DUSP6: variants seen among roughly 807,000 people sequenced by gnomAD.
The protein encoded by DUSP6 is dual specificity phosphatase 6, also known as dual specificity protein phosphatase 6.
DUSP6 carries 6 observed loss-of-function variants against 28.0 expected under a neutral mutation model. The ratio of observed to expected loss-of-function variants is 0.21; its 90% confidence interval spans 0.12 to 0.42. The LOEUF (loss-of-function observed/expected upper bound fraction) is 0.42. DUSP6 is among the 10% of genes least tolerant of loss of function. DUSP6 has a pLI of 1.00. For missense variants in DUSP6, 451 were observed against 498.1 expected, an observed-to-expected ratio of 0.91 and a Z score of 0.90; for synonymous variants, 252 against 217.5, an observed-to-expected ratio of 1.16 and a Z score of -1.40.
In DUSP6 at chr12:89,352,150, C is replaced by A; in HGVS notation, c.-111G>T. The A allele has an allele frequency of 2.0e-6, 3 of 1,486,904 alleles. No individual in the cohort carries two copies. Among genetic ancestry groups the A allele is most frequent in the Non-Finnish European group, 2.7e-6 (3 of 1,109,012 alleles). The allele number at this position is 1,486,904 out of a possible 1,614,324, so 92.1% of individuals were successfully genotyped here. On this transcript the variant is annotated 5_prime_UTR_variant, in exon 1 of 3. Transcript: ENST00000279488. ...CCGCTCTCGGAGCGGGGTTTAATTC[C>A]GCCTCGCCTTACCCAAGCCGAGGCT...
At position 89,349,266 on chromosome 12, in the gene DUSP6, CAG is replaced by C. The variant is rs1435935086; in HGVS notation, c.1132_1133del (p.Leu378AlafsTer69). On this transcript the variant is annotated frameshift_variant, in exon 3 of 3. Transcript: ENST00000279488. LOFTEE classifies it high-confidence loss of function. ...GGTGTGGGGTCTTTCACGTAGATTG[CAG>C]AGAGTCCACCTGGTATACATTCTGG... ...SNQNVYQVDS[L>X]QST 2 of 1,609,868 alleles carry C rather than the reference CAG, an allele frequency of 1.2e-6. No homozygotes were observed. Among genetic ancestry groups the C allele is most frequent in the Non-Finnish European group, 1.7e-6 (2 of 1,176,662 alleles).
At position 89,351,958 on chromosome 12, in the gene DUSP6, C is replaced by T; in HGVS notation, c.82G>A (p.Glu28Lys). The change falls in exon 1 of 3, where the codon GAG becomes AAG. Residue 28 changes from glutamate to lysine, a missense_variant. Around this residue, in one of 2 missense-constraint regions of DUSP6, gnomAD observed 347 missense variants for 346.6 expected, o/e 1.00. Transcript: ENST00000279488. Reference protein sequence around the residue: ...KTVAWLNEQLELGNERLLLMD... With the variant: ...KTVAWLNEQLKLGNERLLLMD... ...AGCAGCAGCCGCTCGTTGCCCAGCT[C>T]CAGCTGCTCGTTGAGCCACGCCACC... is the stretch of plus-strand genomic sequence containing the variant. The T allele has an allele frequency of 6.2e-7, 1 of 1,613,078 alleles. No homozygotes were observed. The highest frequency in any genetic ancestry group is 8.5e-7 in the Non-Finnish European group (1 of 1,179,956).
rs999990772 is a variant in DUSP6 at position 89,351,644 on chromosome 12, C to G, written c.396G>C (p.Leu132=). The G allele has an allele frequency of 6.2e-7, 1 of 1,601,158 alleles. No homozygotes were observed. The highest frequency in any genetic ancestry group is 1.3e-5 in the African/African-American group (1 of 74,722). The change falls in exon 1 of 3, where the codon CTG becomes CTC. Residue 132 remains leucine (L), a synonymous_variant. Coordinates refer to ENST00000279488, the MANE Select transcript of DUSP6 (RefSeq NM_001946.4). The part of the protein sequence containing the change: ...LKDEGCRAFY[L]EGGFSKFQAE... ...CGGAGTTCCCTGGGCGCGTACCTTC[C>G]AGGTAGAACGCCCGGCAGCCCTCGT...
chr12:89,350,028 C>T (rs1879127587), intron 2 of DUSP6, among the ~76,000 whole-genome samples: 1 of 152,168 alleles, frequency 6.6e-6, no homozygotes, highest in Non-Finnish European at 1.5e-5. Flanking sequence ...AAAATGAGTT[C>T]CTTTGTAATA....
At position 89,352,149 on chromosome 12, in the gene DUSP6, C is replaced by A; in HGVS notation, c.-110G>T. The A allele has an allele frequency of 6.7e-7, 1 of 1,488,566 alleles. No individual in the cohort carries two copies. The highest frequency in any genetic ancestry group is 1.3e-5 in the South Asian group (1 of 76,164). 92.2% of individuals were successfully genotyped at this position (1,488,566 alleles called of 1,614,324 possible). A position where few individuals can be genotyped will look rare whatever the true frequency, so the allele number is the denominator to read the frequency against. ...GCCGCTCTCGGAGCGGGGTTTAATT[C>A]CGCCTCGCCTTACCCAAGCCGAGGC... On this transcript the variant is annotated 5_prime_UTR_variant, in exon 1 of 3. Coordinates refer to ENST00000279488, the MANE Select transcript of DUSP6 (RefSeq NM_001946.4).
chr12:89,351,722 G>T lies in DUSP6; in HGVS notation c.318C>A (p.Asn106Lys). 2 of 1,606,244 alleles carry T rather than the reference G, an allele frequency of 1.2e-6. No homozygotes were observed. Among genetic ancestry groups the T allele is most frequent in the South Asian group, 2.2e-5 (2 of 89,808 alleles). The change falls in exon 1 of 3, where the codon AAC (asparagine) becomes AAA (lysine). Residue 106 changes from asparagine to lysine, a missense_variant. Transcript: ENST00000279488. ...VLYDESSSDW[N>K]ENTGGESVLG... Reference sequence around the variant, plus strand: ...GCACCGACTCGCCGCCCGTATTCTCGTTCCAGTCGCTGCTGCTCTCGTCGT... The same window carrying T: ...GCACCGACTCGCCGCCCGTATTCTCTTTCCAGTCGCTGCTGCTCTCGTCGT...
Position 89,351,633 on chromosome 12 carries a change from C to A in DUSP6, c.400+7G>T, listed in dbSNP as rs367702814. On this transcript the variant is annotated splice_region_variant and intron_variant, in intron 1 of 2. Coordinates refer to ENST00000279488, the MANE Select transcript of DUSP6 (RefSeq NM_001946.4). ...TGCCCCGCGCGCGGAGTTCCCTGGG[C>A]GCGTACCTTCCAGGTAGAACGCCCG... The A allele has an allele frequency of 2.5e-4, 401 of 1,592,914 alleles. 2 individuals carry two copies. In the African/African-American group the frequency reaches 4.5e-3, roughly 18 times the overall value.
Position 89,352,134 on chromosome 12 carries a change from G to C in DUSP6, c.-95C>G. The C allele has an allele frequency of 1.3e-6, 2 of 1,519,898 alleles. No individual in the cohort carries two copies. The highest frequency in any genetic ancestry group is 1.8e-6 in the Non-Finnish European group (2 of 1,132,208). 94.2% of individuals were successfully genotyped at this position (1,519,898 alleles called of 1,614,324 possible). A position where few individuals can be genotyped will look rare whatever the true frequency, so the allele number is the denominator to read the frequency against. ...ACCGCGCGCGAAGCTGCCGCTCTCG[G>C]AGCGGGGTTTAATTCCGCCTCGCCT... On this transcript the variant is annotated 5_prime_UTR_variant, in exon 1 of 3. Transcript: ENST00000279488.
chr12:89,350,513 T>G, intron 2 of DUSP6, 75 bp downstream of exon 2: 2 of 1,424,582 alleles, frequency 1.4e-6, no homozygotes, highest in East Asian at 4.6e-5. Context: ...CAAGAACGAT[T>G]AACAGCTTAA....
chr12:89,350,257 G>A (rs1879135113), intron 2 of DUSP6, among the ~76,000 whole-genome samples: 1 of 152,224 alleles, frequency 6.6e-6, no homozygotes, highest in African/African-American at 2.4e-5. Context: ...TGGAATTCCT[G>A]TCTATAGTGA....
chr12:89,351,581 C>A lies in DUSP6; in HGVS notation c.400+59G>T, dbSNP rs1879190467. On this transcript the variant is annotated intron_variant, in intron 1 of 2. Coordinates refer to ENST00000279488, the MANE Select transcript of DUSP6 (RefSeq NM_001946.4). ...CAGAGGTATTTTCAATCCACGCGCC[C>A]CGCCCGCAGCCCTGCGCCCCTAGCC... 3 of 1,495,852 alleles carry A rather than the reference C, an allele frequency of 2.0e-6. No homozygotes were observed. In the South Asian group the frequency reaches 4.0e-5, roughly 20 times the overall value. The allele number at this position is 1,495,852 out of a possible 1,614,324, so 92.7% of individuals were successfully genotyped here. A position where few individuals can be genotyped will look rare whatever the true frequency, so the allele number is the denominator to read the frequency against.
At position 89,349,013 on chromosome 12, in the gene DUSP6, A is replaced by T. The variant is rs1012605992; in HGVS notation, c.*241T>A. On this transcript the variant is annotated 3_prime_UTR_variant, in exon 3 of 3. Transcript: ENST00000279488. ...GTCCCTGCATGGGTAGGCTGTACAC[A>T]TGGGTACAGAGCAAACCTACTGCCT... is the stretch of plus-strand genomic sequence containing the variant. 8.0e-6 allele frequency: 4 copies of T among 497,138 alleles called. No homozygotes were observed. In the Admixed American group the frequency reaches 1.3e-4, roughly 17 times the overall value. The allele number at this position is 497,138 out of a possible 1,614,324, so 30.8% of individuals were successfully genotyped here. A position where few individuals can be genotyped will look rare whatever the true frequency, so the allele number is the denominator to read the frequency against.
rs749233747 is a variant in DUSP6 at position 89,349,558 on chromosome 12, T to G, written c.842A>C (p.Glu281Ala). The G allele has an allele frequency of 3.7e-6, 6 of 1,603,004 alleles. No individual in the cohort carries two copies. Among genetic ancestry groups the G allele is most frequent in the Non-Finnish European group, 2.6e-6 (3 of 1,171,672 alleles). Residue 281 changes from glutamate to alanine, a missense_variant, in exon 3 of 3, where the codon GAA (glutamate) becomes GCA (alanine). This residue lies in a region of DUSP6 where 104 missense variants were observed against 151.4 expected (regional missense o/e 0.69). Coordinates refer to ENST00000279488, the MANE Select transcript of DUSP6 (RefSeq NM_001946.4). ...GACACCACAGTTCTTGCCCCGGGCT[T>G]CATCTGTGAACACAAAAAGAAAAGC... Reference protein sequence around the residue: ...FFPEAISFIDEARGKNCGVLV... With the variant: ...FFPEAISFIDAARGKNCGVLV...
intron 1 of DUSP6, 173 bp downstream of exon 1, chr12:89,351,467 G>T: frequency 8.8e-7 from 1 of 1,130,430 alleles, no homozygotes; most frequent in Non-Finnish European, 1.2e-6. Context: ...CCGGTTCTCT[G>T]GTGCGGAACG....
chr12:89,351,403 T>G, intron 1 of DUSP6: 1 of 661,570 alleles, frequency 1.5e-6, no homozygotes. Context: ...GCAGAACCCG[T>G]TAGAAAGAAA....
Position 89,352,157 on chromosome 12 carries a change from C to T in DUSP6, c.-118G>A. 6.8e-7 allele frequency: 1 copy of T among 1,459,926 alleles called. No homozygotes were observed. The highest frequency in any genetic ancestry group is 2.3e-5 in the East Asian group (1 of 43,634). The allele number at this position is 1,459,926 out of a possible 1,614,324, so 90.4% of individuals were successfully genotyped here. The stretch of plus-strand genomic sequence containing the variant: ...CGGAGCGGGGTTTAATTCCGCCTCG[C>T]CTTACCCAAGCCGAGGCTAGCGGTT... On this transcript the variant is annotated 5_prime_UTR_variant, in exon 1 of 3. Transcript: ENST00000279488.
intron 1 of DUSP6, chr12:89,351,387 G>C (rs185280462): frequency 1.6e-6 from 1 of 614,920 alleles, no homozygotes; most frequent in East Asian, 2.9e-5. Flanking sequence ...TTCTGGCTAA[G>C]AAGGCGCAGA....
At chr12:89,351,148 C>G in intron 1 of DUSP6, 123 bp from the exon 2 acceptor site, 2 of 1,056,750 alleles carry the variant, frequency 1.9e-6, no homozygotes, top group Non-Finnish European at 2.7e-6. Flanking sequence ...ACATACAGAA[C>G]CATCTATAAG....
At position 89,351,036 on chromosome 12, in the gene DUSP6, G is replaced by A. The variant is rs747182457; in HGVS notation, c.401-11C>T. On this transcript the variant is annotated splice_polypyrimidine_tract_variant and intron_variant, in intron 1 of 2. Transcript: ENST00000279488. The stretch of plus-strand genomic sequence containing the variant: ...ACTTACTGAAGCCACCTGCCAGAAC[G>A]AGAAAAGCAATCATCTAACCTGAGA... The A allele has an allele frequency of 3.2e-6, 5 of 1,569,108 alleles. No homozygotes were observed. Among genetic ancestry groups the A allele is most frequent in the African/African-American group, 2.7e-5 (2 of 74,126 alleles).
Sources: gnomAD v4.1 joint callset for allele counts (sites outside exome capture counted in the v4.1 genomes callset) on GRCh38, gnomAD v4.1.1 for gene constraint, gnomAD v4.1.1 regional missense constraint, MANE v1.5 for transcripts, NCBI Gene and HGNC (gene_info 2026-07-23, HGNC 2026-07-21) for gene names.